Variants in TAS2R1 observed in about 807,000 individuals in gnomAD.
TAS2R1 encodes the protein taste receptor type 2 member 1.
For missense variants in TAS2R1, 370 were observed against 353.4 expected (o/e 1.05, Z -0.38); for synonymous variants, 141 against 134.2 (o/e 1.05, Z -0.35).
upstream of TAS2R1, among the ~76,000 whole-genome samples, chr5:9,633,294 T>TTTTATATATATA (rs1554051825): frequency 7.4e-5 from 5 of 67,800 alleles, no homozygotes; most frequent in Admixed American, 2.9e-4. Flanking sequence ...TGTGTGTATA[T>TTTTATATATATA]TATATATATA....
chr5:9,852,842 G>GAA, the TAS2R1 span, among the ~76,000 whole-genome samples: 29 of 127,004 alleles, frequency 2.3e-4, no homozygotes, highest in African/African-American at 7.9e-4. Context: ...CTTCTTGCAG[G>GAA]AAAAAAAAAA....
chr5:9,842,767 T>C, the TAS2R1 span, among the ~76,000 whole-genome samples: 8 of 151,996 alleles, frequency 5.3e-5, no homozygotes, highest in Admixed American at 3.3e-4. Context: ...GCCTGAAACC[T>C]TTACTGTTTA....
chr5:9,854,676 C>T, the TAS2R1 span: 1 of 152,184 alleles, frequency 6.6e-6, no homozygotes, highest in Non-Finnish European at 1.5e-5. Context: ...AGTATTAAAA[C>T]TAAGATAAGG....
At chr5:9,727,756 G>C in the TAS2R1 span, among the ~76,000 whole-genome samples, 1 of 152,204 alleles carries the variant, frequency 6.6e-6, no homozygotes, top group African/African-American at 2.4e-5. Flanking sequence ...GCAAGAGCCA[G>C]AGTAGAAGTG....
the TAS2R1 span, among the ~76,000 whole-genome samples, chr5:9,832,385 T>C: frequency 6.6e-6 from 1 of 152,194 alleles, no homozygotes; most frequent in Non-Finnish European, 1.5e-5. Context: ...TGGCTGAACA[T>C]AGGTGTGCAT....
At chr5:9,755,707 C>T in the TAS2R1 span, among the ~76,000 whole-genome samples, 44 of 152,156 alleles carry the variant, frequency 2.9e-4, no homozygotes, top group African/African-American at 1.0e-3. Flanking sequence ...TGATTACATG[C>T]TAAACAAGGG....
the TAS2R1 span, among the ~76,000 whole-genome samples, chr5:9,803,970 C>T: frequency 0.041 from 6,237 of 152,258 alleles, 303 homozygotes; most frequent in East Asian, 0.15. Context: ...AATTCACCAA[C>T]CAAGTTTCTG....
the TAS2R1 span, among the ~76,000 whole-genome samples, chr5:9,895,709 C>T: frequency 6.6e-6 from 1 of 152,228 alleles, no homozygotes; most frequent in African/African-American, 2.4e-5. Context: ...CCCAGCCCAC[C>T]AATCTTAAAT....
chr5:9,817,659 G>A, the TAS2R1 span, among the ~76,000 whole-genome samples: 1 of 152,104 alleles, frequency 6.6e-6, no homozygotes, highest in Non-Finnish European at 1.5e-5. Context: ...AAGATACTGA[G>A]GAGCATCAGA....
chr5:9,809,791 A>C, the TAS2R1 span, among the ~76,000 whole-genome samples: 2 of 152,208 alleles, frequency 1.3e-5, no homozygotes, highest in Non-Finnish European at 2.9e-5. Context: ...GCCAATGAAG[A>C]CCTTCATTCT....
chr5:9,700,064 T>C (rs913081452), intron 1 of TAS2R1, among the ~76,000 whole-genome samples: 5 of 152,212 alleles, frequency 3.3e-5, no homozygotes, highest in Non-Finnish European at 7.3e-5. Context: ...TTTAACCTTA[T>C]GCCAATGTGT....
chr5:9,812,292 T>C, the TAS2R1 span, among the ~76,000 whole-genome samples: 1 of 151,996 alleles, frequency 6.6e-6, no homozygotes, highest in African/African-American at 2.4e-5. Flanking sequence ...CATTAGAGTA[T>C]ACATATAATA....
chr5:9,818,622 T>C, the TAS2R1 span, among the ~76,000 whole-genome samples: 645 of 152,210 alleles, frequency 4.2e-3, 5 homozygotes, highest in African/African-American at 0.015. Context: ...GGCTCTCTCA[T>C]CCAGCACAGC....
At chr5:9,657,033 A>G (rs1395344016) in intron 2 of TAS2R1, among the ~76,000 whole-genome samples, 1 of 152,136 alleles carries the variant, frequency 6.6e-6, no homozygotes, top group African/African-American at 2.4e-5. Flanking sequence ...ACAATATGTT[A>G]AATTTAAAAG....
chr5:9,794,068 T>A, the TAS2R1 span, among the ~76,000 whole-genome samples: 2 of 152,250 alleles, frequency 1.3e-5, no homozygotes, highest in African/African-American at 4.8e-5. Flanking sequence ...ACCAGGGTTT[T>A]GTGTCACCAG....
the TAS2R1 span, among the ~76,000 whole-genome samples, chr5:9,883,628 G>A: frequency 2.0e-5 from 3 of 151,872 alleles, no homozygotes; most frequent in South Asian, 6.3e-4. Context: ...GTTAGCTATT[G>A]ATATGTAACA....
At chr5:9,761,461 G>A in the TAS2R1 span, among the ~76,000 whole-genome samples, 33 of 150,992 alleles carry the variant, frequency 2.2e-4, no homozygotes, top group Non-Finnish European at 3.8e-4. Context: ...GGAGATTTAT[G>A]GTTGCTTTAC....
At chr5:9,678,236 A>G (rs1740916525) in intron 1 of TAS2R1, among the ~76,000 whole-genome samples, 1 of 152,192 alleles carries the variant, frequency 6.6e-6, no homozygotes, top group African/African-American at 2.4e-5. Flanking sequence ...GTGAGATACT[A>G]TCTCATGCCA....
chr5:9,809,995 C>T, the TAS2R1 span, among the ~76,000 whole-genome samples: 1 of 152,222 alleles, frequency 6.6e-6, no homozygotes, highest in South Asian at 2.1e-4. Context: ...GAACCTCTCT[C>T]CCCCATGCTT....
Sources: gnomAD v4.1 joint callset for allele counts (sites outside exome capture counted in the v4.1 genomes callset) on GRCh38, gnomAD v4.1.1 for gene constraint, MANE v1.5 for transcripts, NCBI Gene and HGNC (gene_info 2026-07-23, HGNC 2026-07-21) for gene names.